Variants in GTF2I observed in about 807,000 individuals in gnomAD.
GTF2I encodes general transcription factor II-I.
In GTF2I, 12 loss-of-function variants were observed where a neutral mutation model predicts 67.6. That is an observed-to-expected ratio of 0.18 (90% CI 0.11 to 0.29). GTF2I has a LOEUF of 0.29. Ranked by LOEUF, GTF2I falls within the 10% of genes least tolerant of loss-of-function variation. The probability of loss-of-function intolerance (pLI) is 1.00; values close to 1 mark genes in which losing one functional copy is unlikely to be tolerated. For synonymous variants in GTF2I, 149 were observed against 197.0 expected (o/e 0.76, Z 2.04); for missense variants, 271 against 580.1 (o/e 0.47, Z 5.47).
chr7:74,685,869 T>C (rs1350568787), intron 1 of GTF2I, among the ~76,000 whole-genome samples: 1 of 149,320 alleles, frequency 6.7e-6, no homozygotes, highest in Non-Finnish European at 1.5e-5. Context: ...CTGGCTAACA[T>C]GGTGAAAACC....
chr7:74,697,557 GA>G (rs1789056803), intron 3 of GTF2I, among the ~76,000 whole-genome samples: 3 of 152,110 alleles, frequency 2.0e-5, no homozygotes. Context: ...TGCAAGCCTA[GA>G]ATTTTTTTGT....
intron 9 of GTF2I, among the ~76,000 whole-genome samples, chr7:74,712,356 C>A (rs587595301): frequency 1.3e-5 from 2 of 152,258 alleles, no homozygotes; most frequent in East Asian, 3.9e-4. Flanking sequence ...GTAACTATTT[C>A]ATTGAAGCCT....
intron 12 of GTF2I, among the ~76,000 whole-genome samples, chr7:74,726,219 T>C (rs181655858): frequency 6.6e-6 from 1 of 152,354 alleles, no homozygotes; most frequent in Non-Finnish European, 1.5e-5. Flanking sequence ...TGCTTAATGT[T>C]TGTAAAAAAA....
At chr7:74,661,278 G>C (rs1554386466) in intron 1 of GTF2I, among the ~76,000 whole-genome samples, 1 of 152,196 alleles carries the variant, frequency 6.6e-6, no homozygotes, top group African/African-American at 2.4e-5. Context: ...AGCTCCCCAG[G>C]TGGTGTTGAT....
intron 1 of GTF2I, among the ~76,000 whole-genome samples, chr7:74,672,349 T>C (rs587707139): frequency 9.7e-4 from 148 of 152,196 alleles, no homozygotes; most frequent in Non-Finnish European, 2.2e-4. Context: ...GAGACCAGCC[T>C]GGGCAACATG....
At chr7:74,689,851 G>T (rs1554396489) in intron 2 of GTF2I, among the ~76,000 whole-genome samples, 2 of 152,136 alleles carry the variant, frequency 1.3e-5, no homozygotes, top group Non-Finnish European at 2.9e-5. Flanking sequence ...GAGTAGCTGG[G>T]ATTGCAGGTG....
rs188884327 is a variant in GTF2I at position 74,721,012 on chromosome 7, C to T, written c.943+2071C>T. On this transcript the variant is annotated intron_variant, in intron 12 of 34. Coordinates refer to ENST00000573035, the MANE Select transcript of GTF2I (RefSeq NM_032999.4). ...AACTGTTTTGGATGGAGTAATAAAT[C>T]TCTTTTCTTTTCATTTATTTGTTTA... Among the ~76,000 whole-genome samples the T allele has an allele frequency of 3.4e-4, 51 of 151,956 alleles. 1 individual carries two copies. Among genetic ancestry groups the T allele is most frequent in the Admixed American group, 2.9e-3 (45 of 15,262 alleles).
chr7:74,723,193 G>A (rs376051638), intron 12 of GTF2I, among the ~76,000 whole-genome samples: 2 of 144,288 alleles, frequency 1.4e-5, no homozygotes, highest in Non-Finnish European at 1.5e-5. Flanking sequence ...GCGCAATCTC[G>A]GCTCACTGCA....
At chr7:74,684,384 C>T (rs939889825) in intron 1 of GTF2I, among the ~76,000 whole-genome samples, 6 of 152,238 alleles carry the variant, frequency 3.9e-5, no homozygotes, top group Non-Finnish European at 8.8e-5. Flanking sequence ...TACACCAGCT[C>T]TCTAGGCGTT....
At chr7:74,669,476 C>A (rs1554389826) in intron 1 of GTF2I, among the ~76,000 whole-genome samples, 1 of 149,478 alleles carries the variant, frequency 6.7e-6, no homozygotes, top group Non-Finnish European at 1.5e-5. Flanking sequence ...AGTGATCCGC[C>A]CGCCTAGGCC....
chr7:74,668,508 G>A lies in GTF2I; in HGVS notation c.-6+10440G>A, dbSNP rs376464830. 3.4e-4 allele frequency among the ~76,000 whole-genome samples: 51 copies of A among 152,006 alleles called. 1 individual carries two copies. The South Asian group carries it at 0.011, about 32-fold the overall frequency. On this transcript the variant is annotated intron_variant, in intron 1 of 34. Coordinates refer to ENST00000573035, the MANE Select transcript of GTF2I (RefSeq NM_032999.4). ...GATTGTATAGGTTCTATGCTTTTGA[G>A]AATTCCTGCTTGTGTTTTGATCTCA...
intron 8 of GTF2I, among the ~76,000 whole-genome samples, chr7:74,709,445 A>G (rs1791226294): frequency 6.6e-6 from 1 of 151,854 alleles, no homozygotes; most frequent in African/African-American, 2.4e-5. Flanking sequence ...TTTAGTAGAG[A>G]CGGGGTTTAA....
At chr7:74,667,015 C>T (rs374674270) in intron 1 of GTF2I, among the ~76,000 whole-genome samples, 200 of 151,454 alleles carry the variant, frequency 1.3e-3, no homozygotes, top group African/African-American at 4.1e-3. Flanking sequence ...CGTGGTGGTG[C>T]GCACCTGTAA....
intron 1 of GTF2I, among the ~76,000 whole-genome samples, chr7:74,688,692 G>T (rs1253600934): frequency 6.6e-6 from 1 of 152,144 alleles, no homozygotes; most frequent in Non-Finnish European, 1.5e-5. Context: ...AGTAAGAAGA[G>T]AAACTTCTCT....
intron 8 of GTF2I, among the ~76,000 whole-genome samples, chr7:74,708,024 G>A (rs1459791734): frequency 6.6e-6 from 1 of 152,158 alleles, no homozygotes; most frequent in Non-Finnish European, 1.5e-5. Flanking sequence ...TGTTGGCCGG[G>A]TGCAGTGGCT....
chr7:74,680,099 A>AATATATATATATATATATATATATAT (rs1554393663), intron 1 of GTF2I, among the ~76,000 whole-genome samples: 1 of 94,982 alleles, frequency 1.1e-5, no homozygotes, highest in Non-Finnish European at 2.1e-5. Flanking sequence ...AAAAAAAAAA[A>AATATATATATATATATATATATATAT]ATATATATAT....
At chr7:74,692,537 G>A (rs1562953974) in intron 3 of GTF2I, among the ~76,000 whole-genome samples, 1 of 152,158 alleles carries the variant, frequency 6.6e-6, no homozygotes, top group Non-Finnish European at 1.5e-5. Context: ...TTAGAGCAGT[G>A]GTGAGCTTAT....
At chr7:74,719,674 CT>C (rs1792688713) in intron 12 of GTF2I, among the ~76,000 whole-genome samples, 1 of 152,170 alleles carries the variant, frequency 6.6e-6, no homozygotes, top group Non-Finnish European at 1.5e-5. Context: ...AATCCCAGCA[CT>C]TTGGGAGGCC....
At chr7:74,697,019 A>G (rs1410064729) in intron 3 of GTF2I, among the ~76,000 whole-genome samples, 1 of 149,076 alleles carries the variant, frequency 6.7e-6, no homozygotes, top group Non-Finnish European at 1.5e-5. Context: ...ATTAAAGAAA[A>G]ATAAAGAAAA....
Sources: gnomAD v4.1 joint callset for allele counts (sites outside exome capture counted in the v4.1 genomes callset) on GRCh38, gnomAD v4.1.1 for gene constraint, MANE v1.5 for transcripts, NCBI Gene and HGNC (gene_info 2026-07-23, HGNC 2026-07-21) for gene names.